Variants in SNX17 observed in about 807,000 individuals in gnomAD.
SNX17 encodes sorting nexin 17.
Under a neutral mutation model 64.3 loss-of-function variants are expected in SNX17, and 35 were observed. The ratio of observed to expected loss-of-function variants is 0.54; its 90% CI spans 0.42 to 0.72. The LOEUF is 0.72. SNX17 is among the 30% of genes least tolerant of loss of function. The pLI is 0.00. For synonymous variants in SNX17, 259 were observed against 230.2 expected (o/e 1.13, Z -1.13); for missense variants, 538 against 610.0 (o/e 0.88, Z 1.24).
Position 27,374,573 on chromosome 2 carries a change from C to T in SNX17, c.612-116C>T, listed in dbSNP as rs75970611. 2,968 of 1,243,212 alleles carry T rather than the reference C, an allele frequency of 2.4e-3. 55 individuals carry two copies. In the African/African-American group the frequency reaches 0.04, roughly 17 times the overall value. 77.0% of individuals were successfully genotyped at this position (1,243,212 alleles called of 1,614,324 possible). A position where few individuals can be genotyped will look rare whatever the true frequency, so the allele number is the denominator to read the frequency against. ...GCCAGGCCTCCCAAGCTTCCTCCCA[C>T]TATACCATTAGCCCCTGATAGTTCC... On this transcript the variant is annotated intron_variant, in intron 7 of 14. Transcript: ENST00000233575.
rs762028919 is a variant in SNX17 at position 27,375,146 on chromosome 2, A to T, written c.767A>T (p.Lys256Met). 1 of 1,614,098 alleles carries T rather than the reference A, an allele frequency of 6.2e-7. No homozygotes were observed. Among genetic ancestry groups the T allele is most frequent in the South Asian group, 1.1e-5 (1 of 91,086 alleles). The change falls in exon 9 of 15, where the codon AAG becomes ATG. Residue 256 changes from lysine (K) to methionine (M), a missense_variant. Coordinates refer to ENST00000233575, the MANE Select transcript of SNX17 (RefSeq NM_014748.4). The surrounding 1 kb of genome is among the most constrained non-coding windows in gnomAD (Gnocchi z 4.1). ...AAATCTCTGCAAGAGAAAGTCTCCA[A>T]GAAGGAGGTGAGCCCTGCCTCCTCT... ...QLKSLQEKVSKKEFLRLAQTL... is the reference protein window; with the variant it reads ...QLKSLQEKVSMKEFLRLAQTL...
chr2:27,377,099 C>T lies in SNX17; in HGVS notation c.*380C>T, dbSNP rs1683327104. On this transcript the variant is annotated 3_prime_UTR_variant, in exon 15 of 15. Coordinates refer to ENST00000233575, the MANE Select transcript of SNX17 (RefSeq NM_014748.4). This position sits in a 1 kb window ranked among gnomAD's most constrained non-coding sequence, Gnocchi z 4.4. ...CTGTGTTTGGTCTGGCCCAGTTCCC[C>T]ATCATTAAACTCAGCCTGACTGCTG... 3 of 405,632 alleles carry T rather than the reference C, an allele frequency of 7.4e-6. No individual in the cohort carries two copies. The highest frequency in any genetic ancestry group is 6.7e-5 in the South Asian group (3 of 44,704). 25.1% of individuals were successfully genotyped at this position (405,632 alleles called of 1,614,324 possible). A position where few individuals can be genotyped will look rare whatever the true frequency, so the allele number is the denominator to read the frequency against.
intron 4 of SNX17, 104 bp from the exon 5 acceptor site, chr2:27,373,757 G>A: frequency 1.3e-6 from 1 of 750,238 alleles, no homozygotes; most frequent in South Asian, 1.6e-5. Context: ...CTATATTTAA[G>A]CAGCTGAGAA....
In SNX17 at chr2:27,374,501, T is replaced by C. The variant is rs1464613119; in HGVS notation, c.611+68T>C. ...CTGGATTGGATTATTGGGCCACATA[T>C]TGAGACAGAATAATCTGGACAAGGG... On this transcript the variant is annotated intron_variant, in intron 7 of 14. Coordinates refer to ENST00000233575, the MANE Select transcript of SNX17 (RefSeq NM_014748.4). 2.8e-6 allele frequency: 4 copies of C among 1,447,038 alleles called. No individual in the cohort carries two copies. In the African/African-American group the frequency reaches 4.2e-5, roughly 15 times the overall value. The allele number at this position is 1,447,038 out of a possible 1,614,324, so 89.6% of individuals were successfully genotyped here.
Position 27,370,737 on chromosome 2 carries a change from A to T in SNX17, c.-7A>T. ...CCGGAGCCCGGCCGTGCCGTGCCGT[A>T]GGGAACATGCACTTTTCCATTCCCG... is the stretch of plus-strand genomic sequence containing the variant. On this transcript the variant is annotated 5_prime_UTR_variant, in exon 1 of 15. Coordinates refer to ENST00000233575, the MANE Select transcript of SNX17 (RefSeq NM_014748.4). 1 of 1,548,222 alleles carries T rather than the reference A, an allele frequency of 6.5e-7. No individual in the cohort carries two copies. Among genetic ancestry groups the T allele is most frequent in the Non-Finnish European group, 8.7e-7 (1 of 1,145,710 alleles).
chr2:27,372,950 A>G lies in SNX17; in HGVS notation c.256+210A>G, dbSNP rs1682786113. The G allele has an allele frequency of 4.5e-6, 6 of 1,330,794 alleles. No homozygotes were observed. The Admixed American group carries it at 1.2e-4, about 26-fold the overall frequency. The allele number at this position is 1,330,794 out of a possible 1,614,324, so 82.4% of individuals were successfully genotyped here. A position where few individuals can be genotyped will look rare whatever the true frequency, so the allele number is the denominator to read the frequency against. On this transcript the variant is annotated intron_variant, in intron 3 of 14. Transcript: ENST00000233575. ...ATTTGGGCACTAACATCTATGAGAA[A>G]TACTAGTATAACACTAGTCTTAATA... is the stretch of plus-strand genomic sequence containing the variant.
rs543745278 is a variant in SNX17 at position 27,374,265 on chromosome 2, C to T, written c.524-81C>T. ...TCCCCACCCCCACCCCCAGAATGAA[C>T]ATTGCCTCAGGGCACTTCTTTCTTG... On this transcript the variant is annotated intron_variant, in intron 6 of 14. Transcript: ENST00000233575. 5.1e-5 allele frequency: 57 copies of T among 1,115,182 alleles called. No homozygotes were observed. In the African/African-American group the frequency reaches 6.4e-4, roughly 12 times the overall value. 69.1% of individuals were successfully genotyped at this position (1,115,182 alleles called of 1,614,324 possible). A position where few individuals can be genotyped will look rare whatever the true frequency, so the allele number is the denominator to read the frequency against.
At position 27,375,540 on chromosome 2, in the gene SNX17, G is replaced by C. The variant is rs1683110395; in HGVS notation, c.809G>C (p.Gly270Ala). ...LRLAQTLRHY[G>A]YLRFDACVAD... is the part of the protein sequence containing the mutation. Reference sequence around the variant, plus strand: ...CTGGCCCAGACGCTGCGGCACTATGGCTACTTGCGCTTTGATGCCTGTGTG... The same window carrying C: ...CTGGCCCAGACGCTGCGGCACTATGCCTACTTGCGCTTTGATGCCTGTGTG... The change falls in exon 10 of 15, where the codon GGC (glycine) becomes GCC (alanine). Residue 270 changes from glycine (G) to alanine (A), a missense_variant. Physicochemically the swap from Gly to Ala is moderately conservative, Grantham distance 60 (BLOSUM62 0). Around this residue, in one of 3 missense-constraint regions of SNX17, gnomAD observed 505 missense variants for 550.4 expected, o/e 0.92. Coordinates refer to ENST00000233575, the MANE Select transcript of SNX17 (RefSeq NM_014748.4). The surrounding 1 kb of genome is among the most constrained non-coding windows in gnomAD (Gnocchi z 4.1). 1 of 1,614,052 alleles carries C rather than the reference G, an allele frequency of 6.2e-7. No individual in the cohort carries two copies. The highest frequency in any genetic ancestry group is 1.3e-5 in the African/African-American group (1 of 74,944).
At chr2:27,374,886 G>T in intron 8 of SNX17, 128 bp downstream of exon 8, 1 of 1,004,066 alleles carries the variant, frequency 1.0e-6, no homozygotes, top group Non-Finnish European at 1.6e-6. Context: ...TATCAGTGCT[G>T]CTGGCACAAT....
At position 27,375,080 on chromosome 2, in the gene SNX17, G is replaced by A. The variant is rs751852435; in HGVS notation, c.701G>A (p.Arg234His). Residue 234 changes from arginine to histidine, a missense_variant, in exon 9 of 15, where the codon CGT becomes CAT. Around this residue, in one of 3 missense-constraint regions of SNX17, gnomAD observed 505 missense variants for 550.4 expected, o/e 0.92. Coordinates refer to ENST00000233575, the MANE Select transcript of SNX17 (RefSeq NM_014748.4). This position sits in a 1 kb window ranked among gnomAD's most constrained non-coding sequence, Gnocchi z 4.1. ...LYAQTVSDIE[R>H]GWILVTKEQH... ...CTATAGACGGTATCAGATATTGAGC[G>A]TGGGTGGATCTTGGTCACCAAGGAA... 3.7e-6 allele frequency: 6 copies of A among 1,613,954 alleles called. No homozygotes were observed. Among genetic ancestry groups the A allele is most frequent in the East Asian group, 4.5e-5 (2 of 44,868 alleles).
Position 27,376,347 on chromosome 2 carries a change from G to T in SNX17, c.1217G>T (p.Arg406Leu), listed in dbSNP as rs763365098. 6.2e-7 allele frequency: 1 copy of T among 1,612,784 alleles called. No individual in the cohort carries two copies. The highest frequency in any genetic ancestry group is 8.5e-7 in the Non-Finnish European group (1 of 1,179,078). Reference sequence around the variant, plus strand: ...CGGCGGGTGGGGGGTACTCTGAGACGCTCAGACAGCCAGCAAGCAGTGAAG... The same window carrying T: ...CGGCGGGTGGGGGGTACTCTGAGACTCTCAGACAGCCAGCAAGCAGTGAAG... ...LRRRVGGTLR[R>L]SDSQQAVKSP... is the part of the protein sequence containing the mutation. Residue 406 changes from arginine (R) to leucine (L), a missense_variant, in exon 13 of 15, where the codon CGC (arginine) becomes CTC (leucine). Coordinates refer to ENST00000233575, the MANE Select transcript of SNX17 (RefSeq NM_014748.4).
rs752725431 is a variant in SNX17 at position 27,370,708 on chromosome 2, C to G, written c.-36C>G. ...GCGTGCAGAGCCGCTGCGGCCCTCACAGTCCGGAGCCCGGCCGTGCCGTGC... is the reference window on the plus strand; with the variant it reads ...GCGTGCAGAGCCGCTGCGGCCCTCAGAGTCCGGAGCCCGGCCGTGCCGTGC... On this transcript the variant is annotated 5_prime_UTR_variant, in exon 1 of 15. Coordinates refer to ENST00000233575, the MANE Select transcript of SNX17 (RefSeq NM_014748.4). 6.5e-6 allele frequency: 10 copies of G among 1,528,590 alleles called. No individual in the cohort carries two copies. Among genetic ancestry groups the G allele is most frequent in the African/African-American group, 1.4e-5 (1 of 72,314 alleles). The allele number at this position is 1,528,590 out of a possible 1,614,324, so 94.7% of individuals were successfully genotyped here. A position where few individuals can be genotyped will look rare whatever the true frequency, so the allele number is the denominator to read the frequency against.
chr2:27,374,323 ATT>A (rs34784726), intron 6 of SNX17, 21 bp from the exon 7 acceptor site: 1,095 of 1,282,994 alleles, frequency 8.5e-4, no homozygotes, highest in Admixed American at 1.2e-3. Flanking sequence ...CTATATTTTC[ATT>A]TTTTTTTTTT....
At position 27,375,584 on chromosome 2, in the gene SNX17, G is replaced by A. The variant is rs1683113187; in HGVS notation, c.853G>A (p.Asp285Asn). Residue 285 changes from aspartate (D) to asparagine (N), a missense_variant, in exon 10 of 15, where the codon GAC becomes AAC. Physicochemically the swap from Asp to Asn is conservative, Grantham distance 23. Transcript: ENST00000233575. This position sits in a 1 kb window ranked among gnomAD's most constrained non-coding sequence, Gnocchi z 4.1. ...DACVADFPEK[D>N]CPVVVSAGNS... ...CTGTGTGGCTGACTTCCCAGAAAAG[G>A]ACTGTCCTGTGGTGGTGAGCGCGGG... The A allele has an allele frequency of 6.2e-7, 1 of 1,614,116 alleles. No individual in the cohort carries two copies. The highest frequency in any genetic ancestry group is 1.7e-5 in the Admixed American group (1 of 60,014).
Position 27,376,622 on chromosome 2 carries a change from T to C in SNX17, c.1316T>C (p.Val439Ala). The stretch of plus-strand genomic sequence containing the variant: ...TTGTTACAGAGTAAGCTGAGTGCCG[T>C]GAGCTTGCGGGGAATTGGCAGTCCC... The part of the protein sequence containing the change: ...MVKLSSKLSA[V>A]SLRGIGSPST... The change falls in exon 15 of 15, where the codon GTG becomes GCG. Residue 439 changes from valine to alanine, a missense_variant. Physicochemically the swap from Val to Ala is moderately conservative, Grantham distance 64. Transcript: ENST00000233575. 3 of 1,614,192 alleles carry C rather than the reference T, an allele frequency of 1.9e-6. No individual in the cohort carries two copies. The highest frequency in any genetic ancestry group is 2.5e-6 in the Non-Finnish European group (3 of 1,180,022).
At chr2:27,372,413 A>G (rs1445458827) in intron 2 of SNX17, among the ~76,000 whole-genome samples, 1 of 152,190 alleles carries the variant, frequency 6.6e-6, no homozygotes, top group South Asian at 2.1e-4. Flanking sequence ...TGACTTGTAC[A>G]CAGTAAAATA....
intron 3 of SNX17, chr2:27,372,943 A>C: frequency 7.6e-7 from 1 of 1,313,264 alleles, no homozygotes; most frequent in East Asian, 2.5e-5. Flanking sequence ...ACTAACATCT[A>C]TGAGAAATAC....
intron 2 of SNX17, 32 bp from the exon 3 acceptor site, chr2:27,372,591 A>G: frequency 6.2e-7 from 1 of 1,613,996 alleles, no homozygotes; most frequent in Non-Finnish European, 8.5e-7. Flanking sequence ...TTCTGTGTTT[A>G]TGTGAAGGGT....
intron 3 of SNX17, 121 bp from the exon 4 acceptor site, chr2:27,373,126 G>A (rs1262659514): frequency 6.3e-7 from 1 of 1,595,780 alleles, no homozygotes; most frequent in African/African-American, 1.3e-5. Context: ...GAGGCCAGCT[G>A]GGGGATGTGG....
Sources: gnomAD v4.1 joint callset for allele counts (sites outside exome capture counted in the v4.1 genomes callset) on GRCh38, gnomAD v4.1.1 for gene constraint, gnomAD v4.1.1 regional missense constraint, Gnocchi (gnomAD v3.1) non-coding constraint, MANE v1.5 for transcripts, NCBI Gene and HGNC (gene_info 2026-07-23, HGNC 2026-07-21) for gene names.